Variants in C12orf50 observed in about 807,000 individuals in gnomAD.
C12orf50 encodes zinc finger CCCH-type containing 11D, also known as uncharacterized protein C12orf50.
In C12orf50, 35 loss-of-function variants were observed where a neutral mutation model predicts 61.6. The ratio of observed to expected loss-of-function variants is 0.57; its 90% CI spans 0.43 to 0.75. C12orf50 has a LOEUF of 0.75. Among genes scored for constraint, C12orf50 ranks in the 30% least tolerant of loss-of-function variants. C12orf50 has a pLI of 0.00. For missense variants in C12orf50, 475 were observed against 488.5 expected, an observed-to-expected ratio of 0.97 and a Z score of 0.26; for synonymous variants, 178 against 161.5, an observed-to-expected ratio of 1.10 and a Z score of -0.77.
chr12:88,026,726 C>A, intron 2 of C12orf50, 118 bp from the exon 3 acceptor site: 1 of 1,378,666 alleles, frequency 7.3e-7, no homozygotes, highest in South Asian at 1.4e-5. Flanking sequence ...GATTTAGGAT[C>A]ATGTGTGTCT....
chr12:87,983,276 CA>C (rs1389879179), intron 11 of C12orf50, 81 bp from the exon 12 acceptor site: 3 of 819,810 alleles, frequency 3.7e-6, no homozygotes, highest in Middle Eastern at 2.7e-4. Context: ...ATAAACATCT[CA>C]GGGGTGAAGC....
At chr12:88,017,122 GT>G (rs1293251777) in intron 3 of C12orf50, among the ~76,000 whole-genome samples, 2 of 152,142 alleles carry the variant, frequency 1.3e-5, no homozygotes. Flanking sequence ...ATACGGGTGT[GT>G]GATATAGTTT....
At chr12:88,014,859 T>C (rs2032252799) in intron 3 of C12orf50, among the ~76,000 whole-genome samples, 1 of 152,186 alleles carries the variant, frequency 6.6e-6, no homozygotes, top group Non-Finnish European at 1.5e-5. Context: ...TTTTCTAATC[T>C]CTTATAACTC....
At chr12:87,983,959 C>T (rs1230551019) in intron 11 of C12orf50, 31 of 122,912 alleles carry the variant, frequency 2.5e-4, no homozygotes, top group African/African-American at 5.3e-4. Context: ...CCTGAGGAAT[C>T]GCCACACTGA....
At chr12:88,018,577 G>C (rs1592681896) in intron 3 of C12orf50, among the ~76,000 whole-genome samples, 1 of 152,182 alleles carries the variant, frequency 6.6e-6, no homozygotes, top group South Asian at 2.1e-4. Context: ...ACCCCAGAAT[G>C]GGTAGATTCA....
At chr12:88,022,962 A>G (rs958887897) in intron 3 of C12orf50, among the ~76,000 whole-genome samples, 6 of 152,242 alleles carry the variant, frequency 3.9e-5, no homozygotes, top group African/African-American at 1.4e-4. Context: ...AGTTATTTCT[A>G]TCAAACTACC....
chr12:87,988,562 G>A (rs556931193), intron 8 of C12orf50, among the ~76,000 whole-genome samples: 91 of 152,236 alleles, frequency 6.0e-4, no homozygotes, highest in Non-Finnish European at 9.7e-4. Flanking sequence ...GAGTTTCTTT[G>A]ATGGACTGGG....
chr12:88,020,625 A>G (rs2032480428), intron 3 of C12orf50, among the ~76,000 whole-genome samples: 1 of 152,184 alleles, frequency 6.6e-6, no homozygotes, highest in South Asian at 2.1e-4. Flanking sequence ...CATTACACAG[A>G]TTGTCAATGC....
Position 87,996,654 on chromosome 12 carries a change from A to G in C12orf50, c.290-8T>C, listed in dbSNP as rs779221401. ...TCCATAAACTAGAAGCATCTATAGG[A>G]TATAGATTTTTTAAATTAAATTGTC... On this transcript the variant is annotated splice_region_variant and splice_polypyrimidine_tract_variant and intron_variant, in intron 4 of 12. Coordinates refer to ENST00000298699, the MANE Select transcript of C12orf50 (RefSeq NM_152589.3). The G allele has an allele frequency of 2.2e-5, 35 of 1,569,778 alleles. No homozygotes were observed. The South Asian group carries it at 3.4e-4, about 15-fold the overall frequency.
chr12:87,987,773 T>C, intron 9 of C12orf50, 77 bp downstream of exon 9: 1 of 954,310 alleles, frequency 1.0e-6, no homozygotes, highest in Non-Finnish European at 1.6e-6. Flanking sequence ...TTTAAAATTC[T>C]ATTTTAAATA....
rs1055157652 is a variant in C12orf50, at chr12:87,980,652, C to T, written c.1220-296G>A. On this transcript the variant is annotated intron_variant, in intron 12 of 12. Coordinates refer to ENST00000298699, the MANE Select transcript of C12orf50 (RefSeq NM_152589.3). ...AGGCTCCATCATATGGAGACAAGCA[C>T]CTTCACTCGCACCAGCAATATCCCT... 3.3e-5 allele frequency among the ~76,000 whole-genome samples: 5 copies of T among 152,228 alleles called. No homozygotes were observed. In the South Asian group the frequency reaches 8.3e-4, roughly 25 times the overall value.
At chr12:88,011,975 G>A (rs191169874) in intron 3 of C12orf50, among the ~76,000 whole-genome samples, 9 of 152,300 alleles carry the variant, frequency 5.9e-5, no homozygotes, top group Non-Finnish European at 2.9e-5. Context: ...GAATACTGAC[G>A]TCACATTTAT....
rs2136404147 is a variant in C12orf50, at chr12:87,986,035, G to A, written c.941C>T (p.Pro314Leu). 2 of 1,613,702 alleles carry A rather than the reference G, an allele frequency of 1.2e-6. No individual in the cohort carries two copies. The highest frequency in any genetic ancestry group is 8.5e-7 in the Non-Finnish European group (1 of 1,179,774). ...GMQRAVQAPRPQNKMSYHRNN... is the reference protein window; with the variant it reads ...GMQRAVQAPRLQNKMSYHRNN... ...GCGGTGATAACTCATTTTATTTTGG[G>A]GTCTTGGGGCCTGTACTGCTGTAAA... The change falls in exon 11 of 13, where the codon CCC (proline) becomes CTC (leucine). Residue 314 changes from proline (P) to leucine (L), a missense_variant. By Grantham distance (98) the Pro-to-Leu change is moderately conservative. Coordinates refer to ENST00000298699, the MANE Select transcript of C12orf50 (RefSeq NM_152589.3).
intron 8 of C12orf50, among the ~76,000 whole-genome samples, chr12:87,989,035 C>T (rs911630150): frequency 6.6e-6 from 1 of 151,870 alleles, no homozygotes; most frequent in African/African-American, 2.4e-5. Flanking sequence ...TTAGAACTAG[C>T]AATACTAGAA....
chr12:87,985,800 G>A (rs2030780495), intron 11 of C12orf50, 50 bp downstream of exon 11: 3 of 1,582,338 alleles, frequency 1.9e-6, no homozygotes, highest in Admixed American at 1.7e-5. Context: ...GAAATTCCAT[G>A]GGAATGCAAA....
At chr12:87,992,014 G>T (rs942679297) in intron 7 of C12orf50, among the ~76,000 whole-genome samples, 1 of 152,124 alleles carries the variant, frequency 6.6e-6, no homozygotes, top group Non-Finnish European at 1.5e-5. Context: ...TCTCATTTCA[G>T]TTCATACAGA....
chr12:87,981,975 C>T (rs1003221151), intron 12 of C12orf50, among the ~76,000 whole-genome samples: 1 of 152,070 alleles, frequency 6.6e-6, no homozygotes, highest in Admixed American at 6.6e-5. Flanking sequence ...GTATTATGTG[C>T]TGAAGTGACC....
intron 3 of C12orf50, among the ~76,000 whole-genome samples, chr12:88,008,161 C>T: frequency 6.6e-6 from 1 of 151,860 alleles, no homozygotes; most frequent in East Asian, 1.9e-4. Context: ...ATTTCATCAC[C>T]CAGGTATTAA....
Position 87,996,476 on chromosome 12 carries a change from T to G in C12orf50, c.379A>C (p.Arg127=), listed in dbSNP as rs756474167. ...AAAATATCTGGAGGAGTATGAAATCTGTAGTATTCCCCTAATCAACCATAA... is the reference window on the plus strand; with the variant it reads ...AAAATATCTGGAGGAGTATGAAATCGGTAGTATTCCCCTAATCAACCATAA... The part of the protein sequence containing the change: ...EMCYKSGEYY[R]FHTPPDILSS... The change falls in exon 6 of 13, where the codon AGA becomes CGA. Residue 127 remains arginine, a synonymous_variant. Transcript: ENST00000298699. The G allele has an allele frequency of 1.9e-6, 3 of 1,610,784 alleles. No homozygotes were observed. The African/African-American group carries it at 4.0e-5, about 22-fold the overall frequency.
Sources: allele counts gnomAD v4.1 joint callset (sites outside exome capture counted in the v4.1 genomes callset), GRCh38; gene constraint gnomAD v4.1.1; transcripts MANE v1.5; gene names NCBI Gene and HGNC (gene_info 2026-07-23, HGNC 2026-07-21).